SH3BP2: variants seen among roughly 807,000 people sequenced by gnomAD.
The protein encoded by SH3BP2 is SH3 domain-binding protein 2.
SH3BP2 carries 38 observed loss-of-function variants against 56.2 expected under a neutral mutation model. The observed-to-expected ratio is 0.68, with a 90% CI of 0.52 to 0.89. The LOEUF is 0.89. SH3BP2 is among the 40% of genes least tolerant of loss of function. The pLI, the probability that SH3BP2 is intolerant of heterozygous loss-of-function variation, is 0.00. For synonymous variants in SH3BP2, 346 were observed against 316.7 expected, an observed-to-expected ratio of 1.09 and a Z score of -0.98; for missense variants, 748 against 762.6, an observed-to-expected ratio of 0.98 and a Z score of 0.23.
chr4:2,804,733 C>T (rs1723461231), intron 1 of SH3BP2, among the ~76,000 whole-genome samples: 3 of 152,352 alleles, frequency 2.0e-5, no homozygotes, highest in East Asian at 3.9e-4. Flanking sequence ...CCTTCTTACC[C>T]ACCCCAGAGC....
intron 1 of SH3BP2, among the ~76,000 whole-genome samples, chr4:2,795,347 C>T (rs530717504): frequency 4.6e-5 from 7 of 152,348 alleles, no homozygotes; most frequent in African/African-American, 1.4e-4. Context: ...CTCAAAAGCT[C>T]CCTTGTGGGG....
chr4:2,796,427 C>T (rs774073022), intron 1 of SH3BP2: 12 of 985,366 alleles, frequency 1.2e-5, no homozygotes, highest in Admixed American at 1.2e-4. Context: ...GGTTTCCCGG[C>T]CCCCGATCAC....
chr4:2,799,157 C>A, intron 1 of SH3BP2: 1 of 985,664 alleles, frequency 1.0e-6, no homozygotes, highest in Non-Finnish European at 1.2e-6. Context: ...GGCTGCCTGT[C>A]CCCACAGGTG....
intron 8 of SH3BP2, 25 bp downstream of exon 8, chr4:2,830,172 C>T (rs1340395941): frequency 3.8e-6 from 6 of 1,590,848 alleles, no homozygotes; most frequent in Non-Finnish European, 5.1e-6. Flanking sequence ...CGGCTGCAAG[C>T]CCTGCCTCCA....
rs570526614 is a variant in SH3BP2, at chr4:2,836,252, C to T, written c.*2418C>T. 2.0e-5 allele frequency: 3 copies of T among 152,438 alleles called. No homozygotes were observed. In the East Asian group the frequency reaches 5.8e-4, roughly 29 times the overall value. The allele number at this position is 152,438 out of a possible 1,614,324, so 9.4% of individuals were successfully genotyped here. On this transcript the variant is annotated 3_prime_UTR_variant, in exon 13 of 13. Transcript: ENST00000503393. ...TGCTCTAGGCCGAGGGCCTCAGTTT[C>T]AAGAGTGTGTTGGGGTGGGATGGGG...
At chr4:2,808,593 A>G (rs551470006) in intron 1 of SH3BP2, among the ~76,000 whole-genome samples, 1 of 152,094 alleles carries the variant, frequency 6.6e-6, no homozygotes, top group East Asian at 1.9e-4. Flanking sequence ...GCATCATGGG[A>G]CAGCAATCAG....
intron 1 of SH3BP2, chr4:2,818,911 A>C: frequency 1.0e-6 from 1 of 985,132 alleles, no homozygotes; most frequent in Non-Finnish European, 1.2e-6. Flanking sequence ...TGCTAAAAGC[A>C]GAGAGTATTT....
chr4:2,833,537 C>T, intron 12 of SH3BP2, 160 bp from the exon 13 acceptor site: 1 of 832,078 alleles, frequency 1.2e-6, no homozygotes, highest in South Asian at 1.5e-5. Flanking sequence ...GAGCACAGGC[C>T]TGATGCGGAG....
At chr4:2,812,674 G>A (rs572551427) in intron 1 of SH3BP2, among the ~76,000 whole-genome samples, 2 of 152,298 alleles carry the variant, frequency 1.3e-5, no homozygotes, top group East Asian at 3.9e-4. Flanking sequence ...AGAGGCCCCC[G>A]AGCTGGCAGG....
rs772503534 is a variant in SH3BP2 at position 2,833,807 on chromosome 4, C to A, written c.1659C>A (p.His553Gln). 2 of 1,586,180 alleles carry A rather than the reference C, an allele frequency of 1.3e-6. No homozygotes were observed. The highest frequency in any genetic ancestry group is 8.6e-7 in the Non-Finnish European group (1 of 1,166,262). The change falls in exon 13 of 13, where the codon CAC becomes CAA. Residue 553 changes from histidine to glutamine, a missense_variant. By Grantham distance (24) the His-to-Gln change is conservative. Coordinates refer to ENST00000503393, the MANE Select transcript of SH3BP2 (RefSeq NM_001122681.2). Reference sequence around the variant, plus strand: ...GCCACCAGAGCCTGCTGCTGCGGCACCCCTACGGCTACACTGGGCCTAGGT... The same window carrying A: ...GCCACCAGAGCCTGCTGCTGCGGCAACCCTACGGCTACACTGGGCCTAGGT... Reference protein sequence around the residue: ...LPSHQSLLLRHPYGYTGPR With the variant: ...LPSHQSLLLRQPYGYTGPR
chr4:2,814,270 G>A (rs1723893978), intron 1 of SH3BP2, among the ~76,000 whole-genome samples: 1 of 152,166 alleles, frequency 6.6e-6, no homozygotes, highest in South Asian at 2.1e-4. Flanking sequence ...GGGCTCATGG[G>A]GCCCCAGGGT....
chr4:2,832,961 G>A (rs890217349), intron 11 of SH3BP2, 29 bp from the exon 12 acceptor site: 6 of 1,612,784 alleles, frequency 3.7e-6, no homozygotes, highest in Non-Finnish European at 5.1e-6. Context: ...TTCTCAGGGA[G>A]CCGTCAGCCT....
intron 1 of SH3BP2, among the ~76,000 whole-genome samples, chr4:2,802,175 G>C (rs1723307902): frequency 6.6e-6 from 1 of 152,180 alleles, no homozygotes; most frequent in South Asian, 2.1e-4. Flanking sequence ...GAGGCCGGCA[G>C]ATCACCTGAG....
In SH3BP2 at chr4:2,831,510, AGGGT is replaced by A. The variant is rs1724982523; in HGVS notation, c.1242-58_1242-55del. ...GAGGGTGGAGTGGGGAGGGGAGCAG[AGGGT>A]GGCCGCCCCGTGTCTGACAGTGAAA... On this transcript the variant is annotated intron_variant, in intron 8 of 12. Coordinates refer to ENST00000503393, the MANE Select transcript of SH3BP2 (RefSeq NM_001122681.2). The surrounding 1 kb of genome is among the most constrained non-coding windows in gnomAD (Gnocchi z 4.1). The A allele has an allele frequency of 7.7e-7, 1 of 1,296,068 alleles. No homozygotes were observed. Among genetic ancestry groups the A allele is most frequent in the African/African-American group, 1.5e-5 (1 of 68,152 alleles). 80.3% of individuals were successfully genotyped at this position (1,296,068 alleles called of 1,614,324 possible). A position where few individuals can be genotyped will look rare whatever the true frequency, so the allele number is the denominator to read the frequency against.
chr4:2,811,628 G>GC (rs1367256303), intron 1 of SH3BP2, among the ~76,000 whole-genome samples: 1 of 152,236 alleles, frequency 6.6e-6, no homozygotes, highest in Non-Finnish European at 1.5e-5. Context: ...GAGTACGGGA[G>GC]CGTGCTTTGC....
Position 2,824,708 on chromosome 4 carries a change from C to G in SH3BP2, c.335C>G (p.Ala112Gly). 1 of 1,612,956 alleles carries G rather than the reference C, an allele frequency of 6.2e-7. No individual in the cohort carries two copies. Among genetic ancestry groups the G allele is most frequent in the East Asian group, 2.2e-5 (1 of 44,856 alleles). The change falls in exon 4 of 13, where the codon GCC becomes GGC. Residue 112 changes from alanine to glycine, a missense_variant. This residue lies in a region of SH3BP2 where 635 missense variants were observed against 615.0 expected (regional missense o/e 1.03). Coordinates refer to ENST00000503393, the MANE Select transcript of SH3BP2 (RefSeq NM_001122681.2). The part of the protein sequence containing the change: ...SKKHRTWFFS[A>G]SSEEERKSWM... ...AAGCACCGCACGTGGTTCTTCTCGG[C>G]CTCCTCCGAGGAGGAGCGCAAGGTG...
intron 1 of SH3BP2, among the ~76,000 whole-genome samples, chr4:2,794,904 C>T (rs1723011990): frequency 6.6e-6 from 1 of 152,316 alleles, no homozygotes; most frequent in East Asian, 1.9e-4. Context: ...GACGAGATGG[C>T]CAGCCTTGGT....
intron 1 of SH3BP2, among the ~76,000 whole-genome samples, chr4:2,804,585 C>G (rs1449246038): frequency 6.6e-6 from 1 of 152,206 alleles, no homozygotes; most frequent in East Asian, 1.9e-4. Context: ...CTCCCTGTAC[C>G]CCACATGGCG....
In SH3BP2 at chr4:2,840,802, G is replaced by T. The variant is rs1470241603; in HGVS notation, c.*6968G>T. ...GCTATCAATCAGTTTTGGGAAAATT[G>T]ACGTCTTTACAATATTGAGTTTTCT... On this transcript the variant is annotated 3_prime_UTR_variant, in exon 13 of 13. Coordinates refer to ENST00000503393, the MANE Select transcript of SH3BP2 (RefSeq NM_001122681.2). 1 of 152,166 alleles carries T rather than the reference G, an allele frequency of 6.6e-6. No homozygotes were observed. The highest frequency in any genetic ancestry group is 1.5e-5 in the Non-Finnish European group (1 of 68,030). 9.4% of individuals were successfully genotyped at this position (152,166 alleles called of 1,614,324 possible). A position where few individuals can be genotyped will look rare whatever the true frequency, so the allele number is the denominator to read the frequency against.
Sources: gnomAD v4.1 joint callset for allele counts (sites outside exome capture counted in the v4.1 genomes callset) on GRCh38, gnomAD v4.1.1 for gene constraint, gnomAD v4.1.1 regional missense constraint, Gnocchi (gnomAD v3.1) non-coding constraint, MANE v1.5 for transcripts, NCBI Gene and HGNC (gene_info 2026-07-23, HGNC 2026-07-21) for gene names.